S1PR5: variants seen among roughly 807,000 people sequenced by gnomAD.
S1PR5 encodes sphingosine-1-phosphate receptor 5.
For synonymous variants in S1PR5, 307 were observed against 284.7 expected, an observed-to-expected ratio of 1.08 and a Z score of -0.79; for missense variants, 583 against 571.7, an observed-to-expected ratio of 1.02 and a Z score of -0.20.
Position 10,514,432 on chromosome 19 carries a change from C to G in S1PR5, c.580G>C (p.Val194Leu), listed in dbSNP as rs748388227. The change falls in exon 2 of 2, where the codon GTG becomes CTG. Residue 194 changes from valine to leucine, a missense_variant. Transcript: ENST00000333430. The part of the protein sequence containing the change: ...TVLPLYAKAY[V>L]LFCVLAFVGI... ...ACGAAGGCGAGCACGCAGAAGAGCA[C>G]GTAGGCCTTGGCGTAGAGCGGCAAG... The G allele has an allele frequency of 1.9e-6, 3 of 1,609,818 alleles. No homozygotes were observed. The highest frequency in any genetic ancestry group is 2.5e-6 in the Non-Finnish European group (3 of 1,178,496).
chr19:10,516,830 C>T (rs778940207), intron 1 of S1PR5, among the ~76,000 whole-genome samples: 25 of 152,106 alleles, frequency 1.6e-4, no homozygotes, highest in Non-Finnish European at 2.5e-4. Context: ...AAAAGAAATG[C>T]TTCGTATCGA....
chr19:10,513,677 C>T lies in S1PR5; in HGVS notation c.*138G>A. 1 of 1,245,206 alleles carries T rather than the reference C, an allele frequency of 8.0e-7. No individual in the cohort carries two copies. Among genetic ancestry groups the T allele is most frequent in the Non-Finnish European group, 1.1e-6 (1 of 903,898 alleles). The allele number at this position is 1,245,206 out of a possible 1,614,324, so 77.1% of individuals were successfully genotyped here. A position where few individuals can be genotyped will look rare whatever the true frequency, so the allele number is the denominator to read the frequency against. On this transcript the variant is annotated 3_prime_UTR_variant, in exon 2 of 2. Coordinates refer to ENST00000333430, the MANE Select transcript of S1PR5 (RefSeq NM_030760.5). ...CACAGATTTTTTGTCTGTTTGTTCA[C>T]ATTGTGGGGTGTCGCTGCATAAATA...
At chr19:10,516,444 A>G (rs1158797811) in intron 1 of S1PR5, among the ~76,000 whole-genome samples, 6 of 151,794 alleles carry the variant, frequency 4.0e-5, no homozygotes, top group Non-Finnish European at 5.9e-5. Context: ...CATCTCTACA[A>G]AAAAATTTAA....
In S1PR5 at chr19:10,513,728, G is replaced by A; in HGVS notation, c.*87C>T. On this transcript the variant is annotated 3_prime_UTR_variant, in exon 2 of 2. Coordinates refer to ENST00000333430, the MANE Select transcript of S1PR5 (RefSeq NM_030760.5). ...CATTTCCCCTGCATCTTTTCCGACT[G>A]CACCTTTGGCTGCATTTCCTACAAA... 1 of 1,532,590 alleles carries A rather than the reference G, an allele frequency of 6.5e-7. No homozygotes were observed. Among genetic ancestry groups the A allele is most frequent in the Non-Finnish European group, 8.8e-7 (1 of 1,132,330 alleles). The allele number at this position is 1,532,590 out of a possible 1,614,324, so 94.9% of individuals were successfully genotyped here. A position where few individuals can be genotyped will look rare whatever the true frequency, so the allele number is the denominator to read the frequency against.
upstream of S1PR5, chr19:10,517,520 C>G (rs1221703259): frequency 4.1e-6 from 4 of 985,484 alleles, no homozygotes; most frequent in African/African-American, 5.2e-5. Flanking sequence ...AAAGGGCCGG[C>G]GGTCGCCAGC....
chr19:10,516,289 C>A (rs1568407413), intron 1 of S1PR5, among the ~76,000 whole-genome samples: 1 of 152,096 alleles, frequency 6.6e-6, no homozygotes, highest in East Asian at 1.9e-4. Flanking sequence ...AAAACCCCCT[C>A]ATCCACCCAA....
chr19:10,517,273 A>C (rs1599502410), intron 1 of S1PR5, 125 bp downstream of exon 1: 1 of 729,462 alleles, frequency 1.4e-6, no homozygotes, highest in African/African-American at 1.9e-5. Flanking sequence ...GCCTCCAGGA[A>C]AAGTTCGGAG....
chr19:10,515,621 C>T (rs899869343), intron 1 of S1PR5, among the ~76,000 whole-genome samples: 1 of 151,736 alleles, frequency 6.6e-6, no homozygotes, highest in Non-Finnish European at 1.5e-5. Flanking sequence ...TCAAAACACC[C>T]CCCCTCCCCA....
intron 1 of S1PR5, 146 bp downstream of exon 1, chr19:10,517,252 C>G (rs1469282527): frequency 7.7e-6 from 4 of 519,610 alleles, no homozygotes; most frequent in African/African-American, 4.1e-5. Context: ...CCAGCTTCCC[C>G]CTCCCCAGAG....
chr19:10,513,872 G>A lies in S1PR5; in HGVS notation c.1140C>T (p.Gly380=), dbSNP rs765367534. ...RDGLDTSGST[G]SPGAPTAART... is the part of the protein sequence containing the mutation. The stretch of plus-strand genomic sequence containing the variant: ...GGGCGGCTGTGGGTGCACCGGGGCT[G>A]CCTGTGGAGCCGCTGGTGTCCAGCC... The change falls in exon 2 of 2, where the codon GGC becomes GGT. Residue 380 remains glycine, a synonymous_variant. Transcript: ENST00000333430. 3.9e-5 allele frequency: 63 copies of A among 1,611,556 alleles called. No individual in the cohort carries two copies. The highest frequency in any genetic ancestry group is 5.1e-5 in the Non-Finnish European group (60 of 1,179,700).
chr19:10,517,357 C>T, intron 1 of S1PR5, 41 bp downstream of exon 1: 1 of 985,006 alleles, frequency 1.0e-6, no homozygotes. Context: ...CCGGGTCAGG[C>T]CCAGCCCAGC....
chr19:10,516,449 A>T (rs917174325), intron 1 of S1PR5, among the ~76,000 whole-genome samples: 11 of 151,908 alleles, frequency 7.2e-5, no homozygotes, highest in Non-Finnish European at 1.5e-4. Flanking sequence ...CTACAAAAAA[A>T]TTTAAAAATT....
At chr19:10,517,689 G>C, upstream of S1PR5, 3 of 985,628 alleles carry the variant, frequency 3.0e-6, no homozygotes, top group Non-Finnish European at 3.6e-6. Context: ...GCTCCATCGC[G>C]GTGGGAGGAC....
chr19:10,513,829 G>C lies in S1PR5; in HGVS notation c.1183C>G (p.Pro395Ala). 1 of 1,612,812 alleles carries C rather than the reference G, an allele frequency of 6.2e-7. No individual in the cohort carries two copies. Among genetic ancestry groups the C allele is most frequent in the Non-Finnish European group, 8.5e-7 (1 of 1,179,784 alleles). ...PTAARTLVSE[P>A]AAD ...GGCCGAGGGTGTCAGTCTGCAGCCG[G>C]TTCTGATACCAGAGTCCGGGCGGCT... The change falls in exon 2 of 2, where the codon CCG (proline) becomes GCG (alanine). Residue 395 changes from proline (P) to alanine (A), a missense_variant. Physicochemically the swap from Pro to Ala is conservative, Grantham distance 27 (BLOSUM62 -1). Transcript: ENST00000333430.
At position 10,513,689 on chromosome 19, in the gene S1PR5, T is replaced by C. The variant is rs1915340942; in HGVS notation, c.*126A>G. ...GTCTGTTTGTTCACATTGTGGGGTG[T>C]CGCTGCATAAATACATTTCCCCTGC... On this transcript the variant is annotated 3_prime_UTR_variant, in exon 2 of 2. Transcript: ENST00000333430. 6 of 1,329,908 alleles carry C rather than the reference T, an allele frequency of 4.5e-6. No homozygotes were observed. Among genetic ancestry groups the C allele is most frequent in the Non-Finnish European group, 6.2e-6 (6 of 974,474 alleles). 82.4% of individuals were successfully genotyped at this position (1,329,908 alleles called of 1,614,324 possible).
Position 10,513,555 on chromosome 19 carries a change from C to T in S1PR5, c.*260G>A, listed in dbSNP as rs1474053783. The T allele has an allele frequency of 1.7e-6, 1 of 588,354 alleles. No individual in the cohort carries two copies. The highest frequency in any genetic ancestry group is 3.0e-6 in the Non-Finnish European group (1 of 338,752). The allele number at this position is 588,354 out of a possible 1,614,324, so 36.4% of individuals were successfully genotyped here. A position where few individuals can be genotyped will look rare whatever the true frequency, so the allele number is the denominator to read the frequency against. On this transcript the variant is annotated 3_prime_UTR_variant, in exon 2 of 2. Coordinates refer to ENST00000333430, the MANE Select transcript of S1PR5 (RefSeq NM_030760.5). Reference sequence around the variant, plus strand: ...CTGCAGAGAGGTCTTCCCTGACCACCATCACCATCTCTGTCGTTTGTCACT... The same window carrying T: ...CTGCAGAGAGGTCTTCCCTGACCACTATCACCATCTCTGTCGTTTGTCACT...
Position 10,514,025 on chromosome 19 carries a change from G to GCCGCAGGAGTGGCGT in S1PR5, c.972_986dup (p.His326_Arg330dup). On this transcript the variant is annotated inframe_insertion, in exon 2 of 2. Transcript: ENST00000333430. ...ACTGCTGGGAGCCACTCGGGTCTCT[G>GCCGCAGGAGTGGCGT]CCGCAGGAGTGGCGTCCGCAGCAGA... 1 of 1,610,390 alleles carries GCCGCAGGAGTGGCGT rather than the reference G, an allele frequency of 6.2e-7. No individual in the cohort carries two copies. Among genetic ancestry groups the GCCGCAGGAGTGGCGT allele is most frequent in the Non-Finnish European group, 8.5e-7 (1 of 1,179,290 alleles).
upstream of S1PR5, chr19:10,517,619 C>T: frequency 3.0e-6 from 3 of 985,164 alleles, no homozygotes; most frequent in Non-Finnish European, 2.4e-6. Flanking sequence ...GCCCCGGCGG[C>T]GACTGGCACA....
At chr19:10,517,305 C>T in intron 1 of S1PR5, 93 bp downstream of exon 1, 1 of 906,478 alleles carries the variant, frequency 1.1e-6, no homozygotes, top group Non-Finnish European at 1.3e-6. Flanking sequence ...AGGAGTGGTG[C>T]GCCTTTTTAG....
Sources: gnomAD v4.1 joint callset for allele counts (sites outside exome capture counted in the v4.1 genomes callset) on GRCh38, gnomAD v4.1.1 for gene constraint, MANE v1.5 for transcripts, NCBI Gene and HGNC (gene_info 2026-07-23, HGNC 2026-07-21) for gene names.